The following CENPL variants were observed in gnomAD, a reference collection of about 807,000 sequenced individuals.
CENPL encodes interphase centromere complex protein 33.
Under a neutral mutation model 35.2 loss-of-function variants are expected in CENPL, and 20 were observed. The observed-to-expected ratio is 0.57, with a 90% CI of 0.40 to 0.83. CENPL has a LOEUF of 0.83. CENPL is among the 40% of genes least tolerant of loss of function. The pLI, the probability that CENPL is intolerant of heterozygous loss-of-function variation, is 0.00. For missense variants in CENPL, 363 were observed against 395.8 expected (o/e 0.92, Z 0.70); for synonymous variants, 140 against 140.6 (o/e 1.00, Z 0.03).
chr1:173,823,752 T>C (rs976754496), intron 2 of CENPL, 174 bp downstream of exon 2: 7 of 152,166 alleles, frequency 4.6e-5, no homozygotes, highest in African/African-American at 1.7e-4. Flanking sequence ...CTTGATCACT[T>C]TTCTACATTG....
intron 2 of CENPL, among the ~76,000 whole-genome samples, chr1:173,813,255 G>C (rs1209642804): frequency 6.6e-6 from 1 of 152,184 alleles, no homozygotes; most frequent in Non-Finnish European, 1.5e-5. Flanking sequence ...CACTCTGCAG[G>C]ATATTATCCA....
intron 5 of CENPL, among the ~76,000 whole-genome samples, chr1:173,801,245 G>A (rs1469630080): frequency 6.6e-6 from 1 of 151,932 alleles, no homozygotes; most frequent in African/African-American, 2.4e-5. Context: ...GTCCAGGCAC[G>A]GTGGCTCATG....
rs564855612 is a variant in CENPL at position 173,818,978 on chromosome 1, T to C, written c.-8+4948A>G. Reference sequence around the variant, plus strand: ...GGCCGGGCATGGTAGCTCATGACTGTAATCCCAACACTTTGGGAGGCTGAA... The same window carrying C: ...GGCCGGGCATGGTAGCTCATGACTGCAATCCCAACACTTTGGGAGGCTGAA... On this transcript the variant is annotated intron_variant, in intron 2 of 5. Transcript: ENST00000682279. 4.6e-5 allele frequency among the ~76,000 whole-genome samples: 7 copies of C among 152,340 alleles called. No individual in the cohort carries two copies. In the East Asian group the frequency reaches 1.4e-3, roughly 29 times the overall value.
chr1:173,807,828 C>T (rs958508449), intron 3 of CENPL, among the ~76,000 whole-genome samples: 1 of 152,190 alleles, frequency 6.6e-6, no homozygotes, highest in Non-Finnish European at 1.5e-5. Flanking sequence ...AACTTTGTAT[C>T]ACCTCATCTG....
intron 2 of CENPL, among the ~76,000 whole-genome samples, chr1:173,820,013 T>C (rs1651797396): frequency 6.6e-6 from 1 of 152,076 alleles, no homozygotes; most frequent in South Asian, 2.1e-4. Flanking sequence ...CATATTTAAA[T>C]AGTATTATAT....
In CENPL at chr1:173,807,320, T is replaced by C. The variant is rs746971504; in HGVS notation, c.367A>G (p.Thr123Ala). The C allele has an allele frequency of 3.1e-6, 5 of 1,613,376 alleles. No homozygotes were observed. The highest frequency in any genetic ancestry group is 1.1e-5 in the South Asian group (1 of 91,024). Residue 123 changes from threonine to alanine, a missense_variant, in exon 4 of 6, where the codon ACT becomes GCT. Thr to Ala is a moderately conservative substitution (Grantham distance 58, BLOSUM62 0). Transcript: ENST00000682279. The stretch of plus-strand genomic sequence containing the variant: ...TGTGTTCCTTTCATTCCTAGGAGAG[T>C]AGAAAAAATCACTTTGATGTTGAAG... ...EDFNIKVIFSTLLGMKGTQRD... is the reference protein window; with the variant it reads ...EDFNIKVIFSALLGMKGTQRD...
intron 2 of CENPL, among the ~76,000 whole-genome samples, chr1:173,811,998 C>T (rs1004481561): frequency 2.0e-5 from 3 of 152,268 alleles, no homozygotes; most frequent in South Asian, 2.1e-4. Context: ...TGGCAACCGG[C>T]AGACTAGGAG....
At chr1:173,812,125 G>C (rs549147939) in intron 2 of CENPL, among the ~76,000 whole-genome samples, 2 of 152,344 alleles carry the variant, frequency 1.3e-5, no homozygotes, top group East Asian at 3.9e-4. Context: ...AGGGGCGTCC[G>C]CCATTGCTGA....
At chr1:173,822,454 C>T (rs1240160779) in intron 2 of CENPL, 1 of 152,010 alleles carries the variant, frequency 6.6e-6, no homozygotes, top group Non-Finnish European at 1.5e-5. Flanking sequence ...GGAAAATAAT[C>T]ATTCTATATG....
intron 2 of CENPL, chr1:173,822,130 A>G (rs1241806720): frequency 6.6e-6 from 1 of 152,140 alleles, no homozygotes; most frequent in South Asian, 2.1e-4. Flanking sequence ...GTCTACACCT[A>G]TTGCCTCCAG....
chr1:173,801,549 G>A (rs1293758890), intron 5 of CENPL, among the ~76,000 whole-genome samples: 1 of 151,024 alleles, frequency 6.6e-6, no homozygotes, highest in Non-Finnish European at 1.5e-5. Flanking sequence ...AGCCAGGCAT[G>A]GTGGCTCATG....
chr1:173,811,421 C>T (rs908204549), intron 2 of CENPL, 115 bp from the exon 3 acceptor site: 2 of 708,490 alleles, frequency 2.8e-6, no homozygotes, highest in African/African-American at 1.8e-5. Flanking sequence ...TTTTCCCCTC[C>T]CTATCCCCAG....
At chr1:173,800,568 T>C in intron 5 of CENPL, 49 bp from the exon 6 acceptor site, 1 of 741,824 alleles carries the variant, frequency 1.3e-6, no homozygotes, top group South Asian at 1.6e-5. Flanking sequence ...TAGTATTAAT[T>C]ATAACAAAGC....
intron 2 of CENPL, chr1:173,822,035 C>A (rs1229033367): frequency 6.6e-6 from 1 of 152,058 alleles, no homozygotes; most frequent in African/African-American, 2.4e-5. Flanking sequence ...CACTGCCAAG[C>A]ATATTCTAGT....
At position 173,811,311 on chromosome 1, in the gene CENPL, A is replaced by G. The variant is rs1377183744; in HGVS notation, c.-7-5T>C. 1.9e-6 allele frequency: 3 copies of G among 1,570,660 alleles called. No homozygotes were observed. The highest frequency in any genetic ancestry group is 3.6e-5 in the Admixed American group (2 of 56,326). ...CTGTAAGAATCCATGGTCTGTCTGC[A>G]TAAGAAGAAACAAAACCAGAATTCT... On this transcript the variant is annotated splice_polypyrimidine_tract_variant and splice_region_variant and intron_variant, in intron 2 of 5. Coordinates refer to ENST00000682279, the MANE Select transcript of CENPL (RefSeq NM_001387287.1).
chr1:173,817,416 A>T (rs1161326485), intron 2 of CENPL, among the ~76,000 whole-genome samples: 1 of 152,256 alleles, frequency 6.6e-6, no homozygotes, highest in African/African-American at 2.4e-5. Context: ...GCTCTTCATC[A>T]CTGGTCATCA....
chr1:173,810,358 CG>C (rs542238274), intron 3 of CENPL, among the ~76,000 whole-genome samples: 181 of 151,562 alleles, frequency 1.2e-3, no homozygotes, highest in African/African-American at 4.2e-3. Context: ...TTAGGCCTGT[CG>C]GGGGTGGAGG....
At chr1:173,801,295 T>A (rs941653770) in intron 5 of CENPL, among the ~76,000 whole-genome samples, 3 of 151,814 alleles carry the variant, frequency 2.0e-5, no homozygotes, top group Non-Finnish European at 2.9e-5. Flanking sequence ...GGTGGGTGGA[T>A]CACTAGGTCA....
At chr1:173,809,857 A>C (rs557751583) in intron 3 of CENPL, among the ~76,000 whole-genome samples, 6 of 152,118 alleles carry the variant, frequency 3.9e-5, no homozygotes, top group Non-Finnish European at 7.4e-5. Context: ...AAGTCAAAAA[A>C]AAACAGATGC....
Sources: allele counts gnomAD v4.1 joint callset (sites outside exome capture counted in the v4.1 genomes callset), GRCh38; gene constraint gnomAD v4.1.1; transcripts MANE v1.5; gene names NCBI Gene and HGNC (gene_info 2026-07-23, HGNC 2026-07-21).